ROBO2: variants seen among roughly 807,000 people sequenced by gnomAD.
ROBO2 encodes the protein roundabout guidance receptor 2.
ROBO2 carries 53 observed loss-of-function variants against 160.8 expected under a neutral mutation model. The observed-to-expected ratio is 0.33, with a 90% CI of 0.26 to 0.41. ROBO2 has a LOEUF of 0.41. ROBO2 is among the 10% of genes least tolerant of loss of function. The probability of loss-of-function intolerance (pLI) is 1.00; values close to 1 mark genes in which losing one functional copy is unlikely to be tolerated. For missense variants in ROBO2, 1,577 were observed against 1,722.4 expected (o/e 0.92, Z 1.49); for synonymous variants, 664 against 611.7 (o/e 1.09, Z -1.26).
chr3:77,050,608 C>T (rs1389839646), intron 1 of ROBO2, among the ~76,000 whole-genome samples: 1 of 148,312 alleles, frequency 6.7e-6, no homozygotes, highest in African/African-American at 2.5e-5. Context: ...TTTCCCCATG[C>T]AAAATTGACT....
chr3:76,846,112 G>A, intron 2 of ROBO2, among the ~76,000 whole-genome samples: 1 of 152,080 alleles, frequency 6.6e-6, no homozygotes, highest in East Asian at 1.9e-4. Flanking sequence ...TTGGCATGCA[G>A]TACAGAACCC....
Position 77,622,236 on chromosome 3 carries a change from A to G in ROBO2, c.3564A>G (p.Gln1188=), listed in dbSNP as rs773278786. Residue 1188 remains glutamine (Q), a synonymous_variant, in exon 23 of 26, where the codon CAA becomes CAG. Coordinates refer to ENST00000461745, the Ensembl canonical transcript of ROBO2. ...TTCATTTGAATTCTAGGCACATTCA[A>G]AGCAATAATCAACCTCCACAGCCTC... 6.2e-6 allele frequency: 10 copies of G among 1,613,882 alleles called. No homozygotes were observed. In the African/African-American group the frequency reaches 1.3e-4, roughly 22 times the overall value.
Position 77,293,142 on chromosome 3 carries a change from A to G in ROBO2, c.389-184272A>G, listed in dbSNP as rs571046583. ...CTAGATCACCCCAGACATAAAGTAAAATTGATGGTTAAATGGGAAGTTGAG... is the reference window on the plus strand; with the variant it reads ...CTAGATCACCCCAGACATAAAGTAAGATTGATGGTTAAATGGGAAGTTGAG... On this transcript the variant is annotated intron_variant, in intron 2 of 25. Transcript: ENST00000461745. Among the ~76,000 whole-genome samples, 138 of 151,660 alleles carry G rather than the reference A, an allele frequency of 9.1e-4. 5 individuals are homozygous for G. The highest frequency in any genetic ancestry group is 1.1e-3 in the Admixed American group (16 of 15,202).
intron 2 of ROBO2, among the ~76,000 whole-genome samples, chr3:76,483,533 C>T (rs2107373255): frequency 6.6e-6 from 1 of 152,194 alleles, no homozygotes; most frequent in East Asian, 1.9e-4. Flanking sequence ...TATGAAACTA[C>T]CATATGCAGA....
At chr3:76,412,830 G>T (rs377090875) in intron 2 of ROBO2, among the ~76,000 whole-genome samples, 1 of 152,296 alleles carries the variant, frequency 6.6e-6, no homozygotes, top group East Asian at 1.9e-4. Context: ...CTACCATTCT[G>T]GGGTCTGCAG....
intron 2 of ROBO2, among the ~76,000 whole-genome samples, chr3:76,389,154 A>C (rs2077032173): frequency 6.6e-6 from 1 of 152,250 alleles, no homozygotes; most frequent in Non-Finnish European, 1.5e-5. Context: ...TTGGGTATGC[A>C]GGTCAGTGCA....
chr3:77,449,662 C>A (rs1019003573), intron 2 of ROBO2, among the ~76,000 whole-genome samples: 7 of 152,110 alleles, frequency 4.6e-5, no homozygotes, highest in African/African-American at 1.4e-4. Context: ...GCAGTTTTTG[C>A]GATATGCTAC....
chr3:77,484,034 T>G (rs563045169), intron 4 of ROBO2, among the ~76,000 whole-genome samples: 1 of 151,978 alleles, frequency 6.6e-6, no homozygotes, highest in South Asian at 2.1e-4. Flanking sequence ...ATCAAAGATA[T>G]GATCGGTGTA....
intron 2 of ROBO2, among the ~76,000 whole-genome samples, chr3:76,214,686 C>T (rs1242439209): frequency 6.6e-6 from 1 of 152,224 alleles, no homozygotes; most frequent in Non-Finnish European, 1.5e-5. Flanking sequence ...GGGTCGAGCC[C>T]ACCACAGCTC....
intron 2 of ROBO2, among the ~76,000 whole-genome samples, chr3:76,328,632 G>A (rs1173991270): frequency 2.0e-5 from 3 of 151,778 alleles, no homozygotes; most frequent in South Asian, 2.1e-4. Flanking sequence ...AGGCCGAGGC[G>A]GGTGAGTCAC....
chr3:76,472,063 ATG>A (rs57259386), intron 2 of ROBO2, among the ~76,000 whole-genome samples: 11,554 of 137,544 alleles, frequency 0.084, 542 homozygotes, highest in African/African-American at 0.15. Context: ...GTCTGATAAA[ATG>A]TGTGTGTGTG....
At chr3:77,138,141 A>C (rs151282607) in intron 2 of ROBO2, among the ~76,000 whole-genome samples, 2 of 152,204 alleles carry the variant, frequency 1.3e-5, no homozygotes, top group Non-Finnish European at 2.9e-5. Context: ...AATATGGTTC[A>C]ATTGTCCTTA....
At chr3:76,950,299 C>A (rs1315313174) in intron 2 of ROBO2, among the ~76,000 whole-genome samples, 1 of 152,136 alleles carries the variant, frequency 6.6e-6, no homozygotes, top group African/African-American at 2.4e-5. Flanking sequence ...AAAGCGGAAT[C>A]CTTTACCTCC....
intron 2 of ROBO2, among the ~76,000 whole-genome samples, chr3:76,389,161 T>C (rs578242483): frequency 6.6e-6 from 1 of 152,228 alleles, no homozygotes; most frequent in South Asian, 2.1e-4. Context: ...TGCAGGTCAG[T>C]GCATAATATG....
intron 2 of ROBO2, among the ~76,000 whole-genome samples, chr3:77,133,538 T>C (rs572764164): frequency 4.5e-4 from 69 of 151,850 alleles, no homozygotes; most frequent in African/African-American, 1.6e-3. Flanking sequence ...AAAGGAATTA[T>C]GTGGATGTAA....
intron 8 of ROBO2, 22 bp downstream of exon 9, chr3:77,551,011 T>A: frequency 6.2e-7 from 1 of 1,611,570 alleles, no homozygotes; most frequent in Non-Finnish European, 8.5e-7. Context: ...TTACTAGATT[T>A]GTCTTATGAA....
At chr3:76,610,559 C>T (rs934362741) in intron 2 of ROBO2, among the ~76,000 whole-genome samples, 2 of 152,174 alleles carry the variant, frequency 1.3e-5, no homozygotes, top group Non-Finnish European at 2.9e-5. Context: ...TCTAAGCCCC[C>T]AAGAGATGTT....
intron 2 of ROBO2, among the ~76,000 whole-genome samples, chr3:76,638,634 G>A (rs1274417748): frequency 2.6e-5 from 4 of 151,956 alleles, no homozygotes; most frequent in Non-Finnish European, 5.9e-5. Flanking sequence ...CAGAAATAAC[G>A]TAGCATGTTT....
chr3:76,785,541 G>A (rs2062919176), intron 2 of ROBO2, among the ~76,000 whole-genome samples: 1 of 151,192 alleles, frequency 6.6e-6, no homozygotes, highest in Non-Finnish European at 1.5e-5. Context: ...TATGGCAATG[G>A]ACAGTTGGTG....
Sources: allele counts gnomAD v4.1 joint callset (sites outside exome capture counted in the v4.1 genomes callset), GRCh38; gene constraint gnomAD v4.1.1; transcripts MANE v1.5; gene names NCBI Gene and HGNC (gene_info 2026-07-23, HGNC 2026-07-21).